Variants in COMMD1 observed in about 807,000 individuals in gnomAD.
COMMD1 encodes COMM domain-containing protein 1.
A neutral mutation model predicts 17.2 loss-of-function variants in COMMD1; 10 were observed. That is an observed-to-expected ratio of 0.58 (90% CI 0.36 to 0.99). The LOEUF (loss-of-function observed/expected upper bound fraction) is 0.99, where lower values mean the gene tolerates loss of function less well. COMMD1 is among the 50% of genes least tolerant of loss of function. The probability of loss-of-function intolerance (pLI) is 0.01; values close to 1 mark genes in which losing one functional copy is unlikely to be tolerated. For missense variants in COMMD1, 270 were observed against 231.8 expected, an observed-to-expected ratio of 1.17 and a Z score of -1.07; for synonymous variants, 97 against 91.6, an observed-to-expected ratio of 1.06 and a Z score of -0.34.
Position 62,082,178 on chromosome 2 carries a change from C to G in COMMD1, c.463-53653C>G, listed in dbSNP as rs1004972334. Among the ~76,000 whole-genome samples, 8 of 152,282 alleles carry G rather than the reference C, an allele frequency of 5.3e-5. No individual in the cohort carries two copies. In the East Asian group the frequency reaches 1.5e-3, roughly 29 times the overall value. Reference sequence around the variant, plus strand: ...AAATTACAAAAGCTTGTATACATTTCTGATTTGTGATGCTGAATTTTTTAT... The same window carrying G: ...AAATTACAAAAGCTTGTATACATTTGTGATTTGTGATGCTGAATTTTTTAT... On this transcript the variant is annotated intron_variant, in intron 2 of 2. Transcript: ENST00000311832.
chr2:61,944,150 C>G (rs1378565178), intron 1 of COMMD1, among the ~76,000 whole-genome samples: 1 of 152,078 alleles, frequency 6.6e-6, no homozygotes, highest in East Asian at 1.9e-4. Flanking sequence ...AATGAGAAGA[C>G]TCTTTAGAAT....
chr2:61,917,119 C>T (rs775468344), intron 1 of COMMD1, among the ~76,000 whole-genome samples: 42 of 151,818 alleles, frequency 2.8e-4, no homozygotes, highest in South Asian at 1.0e-3. Context: ...TTTTGGAGGC[C>T]GAGGTGGGTG....
intron 1 of COMMD1, among the ~76,000 whole-genome samples, chr2:61,986,359 T>G (rs1672105106): frequency 6.6e-6 from 1 of 152,052 alleles, no homozygotes; most frequent in African/African-American, 2.4e-5. Flanking sequence ...TGAGACAGTC[T>G]TCTTTGCATT....
chr2:62,049,168 T>C (rs1020919566), intron 2 of COMMD1, among the ~76,000 whole-genome samples: 3 of 149,886 alleles, frequency 2.0e-5, no homozygotes, highest in Non-Finnish European at 4.4e-5. Context: ...AAGCTTATCA[T>C]GGACCAGAAA....
At position 62,016,191 on chromosome 2, in the gene COMMD1, T is replaced by TTTTTC. The variant is rs1215766136; in HGVS notation, c.462+15224_462+15228dup. 2.7e-4 allele frequency among the ~76,000 whole-genome samples: 41 copies of TTTTTC among 150,578 alleles called. No individual in the cohort carries two copies. In the South Asian group the frequency reaches 2.9e-3, roughly 11 times the overall value. ...TTCTTTCTTTTCTTTTTGTCTCTCT[T>TTTTTC]TTTTCTTTTCTTTTCTTTTTTTTTT... is the stretch of plus-strand genomic sequence containing the variant. On this transcript the variant is annotated intron_variant, in intron 2 of 2. Coordinates refer to ENST00000311832, the MANE Select transcript of COMMD1 (RefSeq NM_152516.4).
At chr2:61,973,513 C>T (rs925928397) in intron 1 of COMMD1, among the ~76,000 whole-genome samples, 1 of 152,134 alleles carries the variant, frequency 6.6e-6, no homozygotes, top group South Asian at 2.1e-4. Flanking sequence ...TAAATATTTT[C>T]GCTTATTTAT....
chr2:62,002,491 GAAAAAAAAAAAAAAAAA>G (rs11310507), intron 2 of COMMD1, among the ~76,000 whole-genome samples: 613 of 35,146 alleles, frequency 0.017, 15 homozygotes, highest in African/African-American at 0.046. Context: ...GATTCCACCA[GAAAAAAAAAAAAAAAAA>G]AAAAAAAAAA....
At chr2:62,029,090 A>C (rs73932895) in intron 2 of COMMD1, among the ~76,000 whole-genome samples, 1 of 152,338 alleles carries the variant, frequency 6.6e-6, no homozygotes, top group African/African-American at 2.4e-5. Flanking sequence ...TAGAAGATTC[A>C]TATATATGAG....
At chr2:61,915,777 T>G (rs949362921) in intron 1 of COMMD1, 1 of 435,930 alleles carries the variant, frequency 2.3e-6, no homozygotes, top group African/African-American at 2.0e-5. Flanking sequence ...ATTACAGGTA[T>G]GAGCCACCAC....
rs563452048 is a variant in COMMD1 at position 62,131,587 on chromosome 2, G to A, written c.463-4244G>A. On this transcript the variant is annotated intron_variant, in intron 2 of 2. Coordinates refer to ENST00000311832, the MANE Select transcript of COMMD1 (RefSeq NM_152516.4). The stretch of plus-strand genomic sequence containing the variant: ...AGACAGGGTCTTACTCTATTGCCAA[G>A]GCTAGAGTCCAGTGGCATGATCTTG... 1.3e-4 allele frequency among the ~76,000 whole-genome samples: 20 copies of A among 152,114 alleles called. No homozygotes were observed. In the South Asian group the frequency reaches 3.9e-3, roughly 30 times the overall value.
chr2:62,000,266 G>A (rs1668889161), intron 1 of COMMD1, among the ~76,000 whole-genome samples: 1 of 147,330 alleles, frequency 6.8e-6, no homozygotes, highest in Non-Finnish European at 1.5e-5. Context: ...ATTTATTTCA[G>A]TGAATTTTTT....
intron 1 of COMMD1, among the ~76,000 whole-genome samples, chr2:61,915,137 C>G (rs1315923782): frequency 6.6e-6 from 1 of 151,754 alleles, no homozygotes; most frequent in Non-Finnish European, 1.5e-5. Context: ...ACCCAAGTAG[C>G]TGGGATTACA....
chr2:61,889,951 A>G (rs927894103), intron 1 of COMMD1, among the ~76,000 whole-genome samples: 1 of 152,246 alleles, frequency 6.6e-6, no homozygotes, highest in African/African-American at 2.4e-5. Flanking sequence ...ACTGGAGCCC[A>G]AAGAAGGAAC....
chr2:61,981,435 C>T (rs1011699013), intron 1 of COMMD1, among the ~76,000 whole-genome samples: 2 of 152,210 alleles, frequency 1.3e-5, no homozygotes, highest in East Asian at 1.9e-4. Context: ...GCACTTTTGT[C>T]GAAAATGAGT....
At chr2:61,977,988 G>GAA (rs759260116) in intron 1 of COMMD1, among the ~76,000 whole-genome samples, 10 of 134,748 alleles carry the variant, frequency 7.4e-5, no homozygotes, top group Non-Finnish European at 8.0e-5. Flanking sequence ...GATTCTGTCT[G>GAA]AAAAAAAAAA....
chr2:61,889,907 C>T (rs1669383076), intron 1 of COMMD1, among the ~76,000 whole-genome samples: 1 of 152,158 alleles, frequency 6.6e-6, no homozygotes, highest in Non-Finnish European at 1.5e-5. Context: ...CTCGTTTAGT[C>T]CTCACAATAA....
At chr2:61,932,279 C>G (rs1670485714) in intron 1 of COMMD1, among the ~76,000 whole-genome samples, 1 of 152,202 alleles carries the variant, frequency 6.6e-6, no homozygotes, top group African/African-American at 2.4e-5. Flanking sequence ...CCAGTACTTC[C>G]ATTCATGGCA....
chr2:62,075,106 C>G (rs1671306223), intron 2 of COMMD1, among the ~76,000 whole-genome samples: 1 of 151,986 alleles, frequency 6.6e-6, no homozygotes, highest in Non-Finnish European at 1.5e-5. Context: ...CCAGGCTGGT[C>G]TCAAACCCCT....
chr2:61,998,946 G>T (rs1209080837), intron 1 of COMMD1, among the ~76,000 whole-genome samples: 1 of 152,106 alleles, frequency 6.6e-6, no homozygotes, highest in Non-Finnish European at 1.5e-5. Context: ...CGCCCTGAAA[G>T]AATTCCACTA....
Sources: gnomAD v4.1 joint callset for allele counts (sites outside exome capture counted in the v4.1 genomes callset) on GRCh38, gnomAD v4.1.1 for gene constraint, MANE v1.5 for transcripts, NCBI Gene and HGNC (gene_info 2026-07-23, HGNC 2026-07-21) for gene names.